The following NR2F1-AS1 variants were observed in gnomAD, a reference collection of about 807,000 sequenced individuals.
NR2F1-AS1 encodes the protein NR2F1 regulatory antisense RNA 1.
chr5:93,440,955 G>GA (rs1167550151), intron 4 of NR2F1-AS1, among the ~76,000 whole-genome samples: 4 of 152,052 alleles, frequency 2.6e-5, no homozygotes, highest in African/African-American at 9.7e-5. Context: ...AACCCAATAG[G>GA]AAAATGTGTC....
intron 4 of NR2F1-AS1, chr5:93,544,730 T>C (rs1045811610): frequency 2.0e-5 from 3 of 152,108 alleles, no homozygotes; most frequent in African/African-American, 7.2e-5. Context: ...GAGACCATCC[T>C]GGCCAACATG....
At chr5:93,539,673 A>G (rs1751909967) in intron 4 of NR2F1-AS1, among the ~76,000 whole-genome samples, 1 of 152,074 alleles carries the variant, frequency 6.6e-6, no homozygotes, top group Non-Finnish European at 1.5e-5. Context: ...AGACAAGGGG[A>G]AAAAATTCTT....
chr5:93,490,245 C>T (rs928655163), intron 4 of NR2F1-AS1, among the ~76,000 whole-genome samples: 2 of 152,234 alleles, frequency 1.3e-5, no homozygotes. Context: ...CCCATTTCTC[C>T]TTCTCTTGTT....
chr5:93,427,956 G>T (rs2149845431), intron 4 of NR2F1-AS1, among the ~76,000 whole-genome samples: 1 of 152,158 alleles, frequency 6.6e-6, no homozygotes, highest in African/African-American at 2.4e-5. Flanking sequence ...GGGAGCGAGG[G>T]AGGATGAATC....
intron 4 of NR2F1-AS1, among the ~76,000 whole-genome samples, chr5:93,413,974 G>A (rs1284751403): frequency 6.6e-6 from 1 of 152,154 alleles, no homozygotes; most frequent in Non-Finnish European, 1.5e-5. Context: ...ATCCTGGGGG[G>A]TTTGTAAGCC....
intron 4 of NR2F1-AS1, among the ~76,000 whole-genome samples, chr5:93,523,789 A>G (rs1378336682): frequency 6.6e-6 from 1 of 152,180 alleles, no homozygotes; most frequent in East Asian, 1.9e-4. Flanking sequence ...AAATTAACAA[A>G]CAGAAAGGAA....
chr5:93,526,795 AC>A (rs1422722748), intron 4 of NR2F1-AS1, among the ~76,000 whole-genome samples: 2 of 152,260 alleles, frequency 1.3e-5, no homozygotes, highest in African/African-American at 2.4e-5. Context: ...AAAATTTAAC[AC>A]CCCTTCACGC....
intron 4 of NR2F1-AS1, among the ~76,000 whole-genome samples, chr5:93,552,230 AAT>A (rs1475337247): frequency 1.3e-5 from 2 of 152,214 alleles, no homozygotes; most frequent in Non-Finnish European, 2.9e-5. Flanking sequence ...ATATCTTGGA[AAT>A]GTCAGTGACA....
chr5:93,482,469 C>T (rs1197764950), intron 4 of NR2F1-AS1, among the ~76,000 whole-genome samples: 8 of 152,128 alleles, frequency 5.3e-5, no homozygotes, highest in Non-Finnish European at 1.2e-4. Flanking sequence ...CCAGGAGATT[C>T]CCTCCAGTGC....
chr5:93,473,802 A>C (rs1290585442), intron 4 of NR2F1-AS1, among the ~76,000 whole-genome samples: 1 of 151,864 alleles, frequency 6.6e-6, no homozygotes, highest in African/African-American at 2.4e-5. Context: ...GACCTTGCTT[A>C]GCCACTATTC....
intron 4 of NR2F1-AS1, among the ~76,000 whole-genome samples, chr5:93,497,951 T>C (rs560625634): frequency 1.3e-5 from 2 of 152,280 alleles, no homozygotes; most frequent in East Asian, 3.9e-4. Context: ...ATAGCACATA[T>C]ACCGTTTTGG....
At chr5:93,575,087 G>T (rs921072195) in intron 1 of NR2F1-AS1, among the ~76,000 whole-genome samples, 6 of 152,250 alleles carry the variant, frequency 3.9e-5, no homozygotes, top group Middle Eastern at 3.2e-3. Context: ...AGGAAGAGAG[G>T]TTGGCAGGTT....
At chr5:93,420,204 C>CA (rs1370320755) in intron 4 of NR2F1-AS1, among the ~76,000 whole-genome samples, 2 of 151,846 alleles carry the variant, frequency 1.3e-5, no homozygotes, top group African/African-American at 2.4e-5. Context: ...AACCAACAAA[C>CA]AAAAAAAATT....
chr5:93,485,348 T>C (rs951030097), intron 4 of NR2F1-AS1, among the ~76,000 whole-genome samples: 80 of 152,324 alleles, frequency 5.3e-4, no homozygotes, highest in African/African-American at 1.7e-3. Flanking sequence ...AACAACCTGC[T>C]GCTGAATGAC....
At chr5:93,419,103 A>G (rs1419341544) in intron 4 of NR2F1-AS1, among the ~76,000 whole-genome samples, 2 of 152,240 alleles carry the variant, frequency 1.3e-5, no homozygotes, top group African/African-American at 4.8e-5. Flanking sequence ...GTGTTAAGTG[A>G]TCTAAATGGC....
chr5:93,575,089 TG>T, intron 1 of NR2F1-AS1, among the ~76,000 whole-genome samples: 1 of 152,256 alleles, frequency 6.6e-6, no homozygotes, highest in East Asian at 1.9e-4. Context: ...GAAGAGAGGT[TG>T]GCAGGTTGAG....
intron 4 of NR2F1-AS1, among the ~76,000 whole-genome samples, chr5:93,518,248 A>AGTAGACCTAGTGGTAT (rs1426493788): frequency 4.6e-5 from 7 of 152,166 alleles, no homozygotes; most frequent in African/African-American, 1.7e-4. Flanking sequence ...CCTAGTGGTA[A>AGTAGACCTAGTGGTAT]GTAGACCTAG....
chr5:93,438,563 A>C (rs1190399985), intron 4 of NR2F1-AS1: 2 of 152,222 alleles, frequency 1.3e-5, no homozygotes, highest in South Asian at 2.1e-4. Flanking sequence ...GTAGATGCTT[A>C]ATTTGTGCCA....
At chr5:93,558,309 A>C (rs1002552825) in intron 2 of NR2F1-AS1, among the ~76,000 whole-genome samples, 2 of 151,854 alleles carry the variant, frequency 1.3e-5, no homozygotes, top group African/African-American at 4.9e-5. Flanking sequence ...TAGCCTTATA[A>C]AATGTATTTC....
Sources: gnomAD v4.1 joint callset for allele counts (sites outside exome capture counted in the v4.1 genomes callset) on GRCh38, gnomAD v4.1.1 for gene constraint, MANE v1.5 for transcripts, NCBI Gene and HGNC (gene_info 2026-07-23, HGNC 2026-07-21) for gene names.